Variants in ANO1 observed in about 807,000 individuals in gnomAD.
The protein encoded by ANO1 is anoctamin 1.
In ANO1, 59 loss-of-function variants were observed where a neutral mutation model predicts 124.0. The observed-to-expected ratio is 0.48, with a 90% CI of 0.39 to 0.59. The LOEUF is 0.59. Among genes scored for constraint, ANO1 ranks in the 20% least tolerant of loss-of-function variants. The pLI is 0.00. For missense variants in ANO1, 1,059 were observed against 1,328.0 expected (o/e 0.80, Z 3.15); for synonymous variants, 529 against 532.0 (o/e 0.99, Z 0.08).
At chr11:70,026,320 G>A (rs1856906876) in intron 1 of ANO1, among the ~76,000 whole-genome samples, 1 of 150,978 alleles carries the variant, frequency 6.6e-6, no homozygotes, top group Non-Finnish European at 1.5e-5. Context: ...TGATGGCATT[G>A]ATGATGGTGG....
At position 70,078,802 on chromosome 11, in the gene ANO1, G is replaced by A. The variant is rs535456427; in HGVS notation, c.108+88G>A. ...GAACCGGGCGGCGGCAGGGCCTCCT[G>A]GGACCCCAGGGCGGGGGCCGCACCC... is the stretch of plus-strand genomic sequence containing the variant. On this transcript the variant is annotated intron_variant, in intron 1 of 25. Transcript: ENST00000355303. The A allele has an allele frequency of 3.1e-4, 254 of 826,896 alleles. 1 individual carries two copies. In the African/African-American group the frequency reaches 4.4e-3, roughly 14 times the overall value. The allele number at this position is 826,896 out of a possible 1,614,324, so 51.2% of individuals were successfully genotyped here.
chr11:70,116,595 C>T, intron 8 of ANO1, 96 bp downstream of exon 8: 1 of 1,250,354 alleles, frequency 8.0e-7, no homozygotes, highest in South Asian at 1.3e-5. Flanking sequence ...ACTTACCGGC[C>T]TCCAGGGCCT....
intron 1 of ANO1, among the ~76,000 whole-genome samples, chr11:70,010,158 TGTGTGTGC>T: frequency 1.6e-5 from 1 of 62,650 alleles, no homozygotes; most frequent in Non-Finnish European, 3.3e-5. Flanking sequence ...TGTGTGTGTG[TGTGTGTGC>T]GCGTGTGTGT....
intron 1 of ANO1, among the ~76,000 whole-genome samples, chr11:70,045,456 A>G (rs1857244610): frequency 6.6e-6 from 1 of 152,228 alleles, no homozygotes; most frequent in South Asian, 2.1e-4. Flanking sequence ...TTTTCTTGAG[A>G]GAAAAAATAT....
intron 11 of ANO1, among the ~76,000 whole-genome samples, chr11:70,145,052 C>G (rs576109719): frequency 6.6e-6 from 1 of 152,156 alleles, no homozygotes; most frequent in African/African-American, 2.4e-5. Flanking sequence ...GATTGGGACC[C>G]TCGGAGGGCA....
At chr11:70,170,817 G>T (rs1410601192) in intron 21 of ANO1, 70 bp from the exon 22 acceptor site, 59 of 1,538,580 alleles carry the variant, frequency 3.8e-5, no homozygotes, top group Non-Finnish European at 5.1e-5. Flanking sequence ...CTCGGCACAC[G>T]GGGTGGTGGA....
At chr11:70,167,117 A>AG (rs2048284314) in intron 20 of ANO1, 125 bp from the exon 21 acceptor site, 1 of 1,285,872 alleles carries the variant, frequency 7.8e-7, no homozygotes, top group East Asian at 2.5e-5. Flanking sequence ...ACTGCACTCC[A>AG]GCCTGAGCAA....
chr11:70,028,305 G>A (rs1265301438), intron 1 of ANO1, among the ~76,000 whole-genome samples: 1 of 152,182 alleles, frequency 6.6e-6, no homozygotes, highest in East Asian at 1.9e-4. Context: ...GCCTTTCTCT[G>A]ATGCTGAGCT....
At chr11:70,165,903 C>T (rs998740374) in intron 20 of ANO1, among the ~76,000 whole-genome samples, 3 of 152,152 alleles carry the variant, frequency 2.0e-5, no homozygotes, top group East Asian at 3.8e-4. Context: ...GCCTGTAGTC[C>T]CAGCTACTCA....
At chr11:70,185,892 C>T (rs2049100134) in intron 25 of ANO1, among the ~76,000 whole-genome samples, 197 bp downstream of exon 25, 1 of 152,176 alleles carries the variant, frequency 6.6e-6, no homozygotes, top group African/African-American at 2.4e-5. Flanking sequence ...GGGCCCAAGA[C>T]AACCTCATGA....
chr11:70,174,701 G>A (rs982406164), intron 22 of ANO1, among the ~76,000 whole-genome samples: 1 of 152,042 alleles, frequency 6.6e-6, no homozygotes, highest in African/African-American at 2.4e-5. Context: ...TAACAGTGCC[G>A]AGCAGGAACC....
At chr11:70,010,179 G>GTCTGTGTGTGTATATATATATATATATA in intron 1 of ANO1, among the ~76,000 whole-genome samples, 2 of 83,812 alleles carry the variant, frequency 2.4e-5, no homozygotes. Flanking sequence ...GTGTGTGTGT[G>GTCTGTGTGTGTATATATATATATATATA]TATATATATA....
At chr11:70,094,310 T>C (rs2044755206) in intron 2 of ANO1, among the ~76,000 whole-genome samples, 1 of 152,126 alleles carries the variant, frequency 6.6e-6, no homozygotes, top group Non-Finnish European at 1.5e-5. Context: ...AGGGCAGCCA[T>C]TTCTTGCCAT....
chr11:70,114,123 C>T (rs1443204432), intron 7 of ANO1, among the ~76,000 whole-genome samples: 2 of 152,236 alleles, frequency 1.3e-5, no homozygotes, highest in Non-Finnish European at 2.9e-5. Flanking sequence ...CAGACAATCT[C>T]CTCTTTCAAA....
intron 1 of ANO1, among the ~76,000 whole-genome samples, chr11:70,032,461 C>G (rs1335931567): frequency 1.3e-5 from 2 of 151,872 alleles, no homozygotes; most frequent in African/African-American, 4.8e-5. Flanking sequence ...CTGGAGAGGA[C>G]TCCCTGGGTG....
chr11:70,100,622 C>A (rs1003456720), intron 2 of ANO1, among the ~76,000 whole-genome samples: 1 of 152,178 alleles, frequency 6.6e-6, no homozygotes, highest in African/African-American at 2.4e-5. Flanking sequence ...TTTGGGGTCA[C>A]GTGTTACAGA....
intron 1 of ANO1, among the ~76,000 whole-genome samples, chr11:70,014,017 GA>G (rs201261715): frequency 0.051 from 7,744 of 151,656 alleles, 656 homozygotes; most frequent in African/African-American, 0.17. Flanking sequence ...GAGAGAGAGA[GA>G]GATCTCTGGT....
At chr11:69,984,923 T>C (rs1856005837), upstream of ANO1, among the ~76,000 whole-genome samples, 1 of 152,244 alleles carries the variant, frequency 6.6e-6, no homozygotes, top group African/African-American at 2.4e-5. Flanking sequence ...TTTATGGTAG[T>C]TCTGCCTGAG....
intron 1 of ANO1, among the ~76,000 whole-genome samples, chr11:70,060,264 GT>G (rs1555007566): frequency 6.6e-6 from 1 of 152,230 alleles, no homozygotes. Flanking sequence ...AGTTCGGCTT[GT>G]TGGGAAGTGG....
Sources: gnomAD v4.1 joint callset for allele counts (sites outside exome capture counted in the v4.1 genomes callset) on GRCh38, gnomAD v4.1.1 for gene constraint, MANE v1.5 for transcripts, NCBI Gene and HGNC (gene_info 2026-07-23, HGNC 2026-07-21) for gene names.